FARP2: variants seen among roughly 807,000 people sequenced by gnomAD.
The protein encoded by FARP2 is FERM, ARHGEF and pleckstrin domain-containing protein 2.
A neutral mutation model predicts 130.5 loss-of-function variants in FARP2; 111 were observed. That is an observed-to-expected ratio of 0.85 (90% CI 0.73 to 1.00). The LOEUF is 1.00. FARP2 is among the 50% of genes least tolerant of loss of function. The probability of loss-of-function intolerance (pLI) is 0.00; values close to 1 mark genes in which losing one functional copy is unlikely to be tolerated. For synonymous variants in FARP2, 504 were observed against 516.9 expected, an observed-to-expected ratio of 0.98 and a Z score of 0.34; for missense variants, 1,385 against 1,346.3, an observed-to-expected ratio of 1.03 and a Z score of -0.45.
chr2:241,382,934 A>AC, intron 2 of FARP2, among the ~76,000 whole-genome samples: 1 of 152,210 alleles, frequency 6.6e-6, no homozygotes, highest in Admixed American at 6.5e-5. Flanking sequence ...AAAATAACTT[A>AC]AGAGTTGGGA....
At chr2:241,405,006 G>A (rs2062295808) in intron 4 of FARP2, among the ~76,000 whole-genome samples, 165 bp downstream of exon 4, 1 of 152,288 alleles carries the variant, frequency 6.6e-6, no homozygotes, top group Non-Finnish European at 1.5e-5. Flanking sequence ...TTTAGTTTTA[G>A]TAATTTTAAC....
rs1316155422 is a variant in FARP2, at chr2:241,421,719, AT to A, written c.771+3611del. Among the ~76,000 whole-genome samples, 5 of 12,834 alleles carry A rather than the reference AT, an allele frequency of 3.9e-4. No individual in the cohort carries two copies. The Admixed American group carries it at 9.7e-3, about 25-fold the overall frequency. The allele number at this position is 12,834 out of a possible 152,430, so 8.4% of individuals were successfully genotyped here. The stretch of plus-strand genomic sequence containing the variant: ...AGCAACAAGTCAGTACCCTCCTGGG[AT>A]ATAAAGCTTTTAGAGGAGAAAGCTG... On this transcript the variant is annotated intron_variant, in intron 8 of 26. Coordinates refer to ENST00000264042, the MANE Select transcript of FARP2 (RefSeq NM_014808.4).
At chr2:241,464,511 A>G (rs1454161339) in intron 17 of FARP2, among the ~76,000 whole-genome samples, 1 of 86,172 alleles carries the variant, frequency 1.2e-5, no homozygotes, top group Non-Finnish European at 2.7e-5. Context: ...ACAGGTTCCT[A>G]CTCAAAGCAG....
In FARP2 at chr2:241,494,181, G is replaced by C; in HGVS notation, c.*56G>C. 8.0e-6 allele frequency: 9 copies of C among 1,121,382 alleles called. No homozygotes were observed. Among genetic ancestry groups the C allele is most frequent in the Non-Finnish European group, 1.1e-5 (9 of 807,048 alleles). The allele number at this position is 1,121,382 out of a possible 1,614,324, so 69.5% of individuals were successfully genotyped here. A position where few individuals can be genotyped will look rare whatever the true frequency, so the allele number is the denominator to read the frequency against. On this transcript the variant is annotated 3_prime_UTR_variant, in exon 27 of 27. Transcript: ENST00000264042. This position sits in a 1 kb window ranked among gnomAD's most constrained non-coding sequence, Gnocchi z 4.9. ...ACAAAGAACAGCAGGACACAGAGGT[G>C]ACCTCTGTCCTGAGGCTTCTCAACA...
At chr2:241,485,341 GGGATCTTCCCTTCCTA>G (rs2064725376) in intron 21 of FARP2, among the ~76,000 whole-genome samples, 1 of 142,604 alleles carries the variant, frequency 7.0e-6, no homozygotes, top group Middle Eastern at 4.4e-3. Flanking sequence ...CTCATTCCCT[GGGATCTTCCCTTCCTA>G]GGATCTTCCC....
chr2:241,392,668 G>A (rs1318957024), intron 2 of FARP2, among the ~76,000 whole-genome samples: 3 of 152,162 alleles, frequency 2.0e-5, no homozygotes, highest in East Asian at 1.9e-4. Context: ...GTCTGGATGT[G>A]TTGGCTCATA....
Position 241,440,467 on chromosome 2 carries a change from C to T in FARP2, c.1159-837C>T, listed in dbSNP as rs536751996. On this transcript the variant is annotated intron_variant, in intron 12 of 26. Coordinates refer to ENST00000264042, the MANE Select transcript of FARP2 (RefSeq NM_014808.4). ...TAGCCACTGGACATCTGGTCCTGGC[C>T]CCTCAGTATTTCCTCATCCTGCTTG... Among the ~76,000 whole-genome samples, 42 of 152,148 alleles carry T rather than the reference C, an allele frequency of 2.8e-4. No individual in the cohort carries two copies. In the South Asian group the frequency reaches 3.7e-3, roughly 14 times the overall value.
At chr2:241,442,286 G>T (rs759694359) in intron 13 of FARP2, 8 of 456,580 alleles carry the variant, frequency 1.8e-5, no homozygotes, top group African/African-American at 1.6e-4. Context: ...TCTGAGTCCA[G>T]CTCGGCCTTC....
In FARP2 at chr2:241,491,106, G is replaced by C. The variant is rs145250956; in HGVS notation, c.2550G>C (p.Ala850=). The change falls in exon 23 of 27, where the codon GCG becomes GCC. Residue 850 remains alanine, a synonymous_variant. Transcript: ENST00000264042. The stretch of plus-strand genomic sequence containing the variant: ...AGTGGATGCTGGACCTGAACTCCGC[G>C]ATCCAAGCAGCCAAGAGTGGCGGTG... The part of the protein sequence containing the change: ...KEKWMLDLNS[A]IQAAKSGGDT... 1,963 of 1,613,500 alleles carry C rather than the reference G, an allele frequency of 1.2e-3. 4 individuals carry two copies. Among genetic ancestry groups the C allele is most frequent in the Non-Finnish European group, 1.4e-3 (1,706 of 1,179,988 alleles).
intron 2 of FARP2, among the ~76,000 whole-genome samples, chr2:241,402,918 A>G (rs1199206658): frequency 1.1e-3 from 57 of 51,398 alleles, no homozygotes; most frequent in African/African-American, 5.0e-3. Context: ...TTTTGTAGAG[A>G]CAGTGTTTTG....
intron 13 of FARP2, among the ~76,000 whole-genome samples, chr2:241,449,538 A>G (rs900893057): frequency 1.3e-5 from 2 of 152,212 alleles, no homozygotes; most frequent in Non-Finnish European, 2.9e-5. Context: ...TCTAAATGTG[A>G]TATTTCTCTT....
intron 6 of FARP2, 119 bp downstream of exon 6, chr2:241,411,249 A>C: frequency 2.9e-6 from 2 of 684,530 alleles, no homozygotes; most frequent in South Asian, 3.5e-5. Context: ...CCATAGAATG[A>C]GGTGTTTCAA....
intron 19 of FARP2, among the ~76,000 whole-genome samples, chr2:241,481,565 C>G (rs1311769070): frequency 6.6e-6 from 1 of 152,188 alleles, no homozygotes; most frequent in Non-Finnish European, 1.5e-5. Context: ...TGATCAGGTG[C>G]TAGGACCACC....
chr2:241,376,560 C>T (rs1311981634), intron 2 of FARP2, among the ~76,000 whole-genome samples: 1 of 152,244 alleles, frequency 6.6e-6, no homozygotes, highest in Non-Finnish European at 1.5e-5. Flanking sequence ...TGCATAGCCC[C>T]ACAGAGGCAG....
In FARP2 at chr2:241,403,899, C is replaced by G. The variant is rs766731722; in HGVS notation, c.255C>G (p.Phe85Leu). ...KRLNLVECDY[F>L]GMEFQNTQSY... The stretch of plus-strand genomic sequence containing the variant: ...TAAACCTGGTAGAATGTGACTACTT[C>G]GGGATGGAGTTTCAAAATACTCAGT... Residue 85 changes from phenylalanine (F) to leucine (L), a missense_variant, in exon 3 of 27, where the codon TTC becomes TTG. By Grantham distance (22) the Phe-to-Leu change is conservative. Transcript: ENST00000264042. The G allele has an allele frequency of 6.2e-7, 1 of 1,613,188 alleles. No individual in the cohort carries two copies. Among genetic ancestry groups the G allele is most frequent in the South Asian group, 1.1e-5 (1 of 91,054 alleles).
chr2:241,388,663 G>A (rs9967861), intron 2 of FARP2, among the ~76,000 whole-genome samples: 28,953 of 151,956 alleles, frequency 0.19, 3,102 homozygotes, highest in Middle Eastern at 0.35. Context: ...GCAAGATCCC[G>A]TCACTACAAA....
intron 8 of FARP2, among the ~76,000 whole-genome samples, chr2:241,427,985 C>T (rs1206061207): frequency 2.0e-5 from 3 of 152,026 alleles, no homozygotes; most frequent in Non-Finnish European, 4.4e-5. Flanking sequence ...CCAGGATGGT[C>T]TCGATCTCCT....
chr2:241,430,944 G>A (rs139838163), intron 8 of FARP2, among the ~76,000 whole-genome samples: 31 of 151,680 alleles, frequency 2.0e-4, no homozygotes, highest in Middle Eastern at 3.4e-3. Context: ...AGGTTACAGC[G>A]AATGGAGATT....
intron 5 of FARP2, 37 bp downstream of exon 5, chr2:241,407,652 G>C (rs1179276467): frequency 1.0e-5 from 15 of 1,507,424 alleles, no homozygotes; most frequent in Non-Finnish European, 1.3e-5. Flanking sequence ...TTGTCAGCAG[G>C]AATCTTGTAT....
Sources: gnomAD v4.1 joint callset for allele counts (sites outside exome capture counted in the v4.1 genomes callset) on GRCh38, gnomAD v4.1.1 for gene constraint, Gnocchi (gnomAD v3.1) non-coding constraint, MANE v1.5 for transcripts, NCBI Gene and HGNC (gene_info 2026-07-23, HGNC 2026-07-21) for gene names.